The following HDAC9 variants were observed in gnomAD, a reference collection of about 807,000 sequenced individuals.
HDAC9 encodes the protein MEF-2 interacting transcription repressor (MITR) protein.
HDAC9 carries 41 observed loss-of-function variants against 139.4 expected under a neutral mutation model. The ratio of observed to expected loss-of-function variants is 0.29; its 90% CI spans 0.23 to 0.38. The LOEUF (loss-of-function observed/expected upper bound fraction) is 0.38. HDAC9 is among the 10% of genes least tolerant of loss of function. HDAC9 has a pLI of 1.00. For missense variants in HDAC9, 1,147 were observed against 1,297.0 expected, an observed-to-expected ratio of 0.88 and a Z score of 1.78; for synonymous variants, 517 against 476.2, an observed-to-expected ratio of 1.09 and a Z score of -1.12.
At chr7:18,345,809 T>C (rs1782369152) in intron 1 of HDAC9, among the ~76,000 whole-genome samples, 1 of 151,994 alleles carries the variant, frequency 6.6e-6, no homozygotes, top group Admixed American at 6.6e-5. Flanking sequence ...TCAGCATTTT[T>C]TTTCCCCTTT....
intron 22 of HDAC9, among the ~76,000 whole-genome samples, chr7:18,878,632 A>G (rs1221467372): frequency 6.6e-6 from 1 of 152,178 alleles, no homozygotes; most frequent in African/African-American, 2.4e-5. Context: ...AACAACTCTA[A>G]ATAAACTAGG....
At chr7:18,724,747 G>T (rs184130978) in intron 12 of HDAC9, among the ~76,000 whole-genome samples, 50 of 152,152 alleles carry the variant, frequency 3.3e-4, no homozygotes, top group Non-Finnish European at 1.2e-4. Context: ...GTTATGGAAT[G>T]CATGGCTGTC....
intron 22 of HDAC9, among the ~76,000 whole-genome samples, chr7:18,883,702 A>G (rs1289299071): frequency 2.6e-5 from 4 of 152,094 alleles, no homozygotes; most frequent in African/African-American, 7.2e-5. Context: ...ATTAGACAAG[A>G]AAAAGAAATG....
chr7:18,874,743 G>A (rs1799191972), intron 22 of HDAC9, 147 bp downstream of exon 22: 2 of 586,268 alleles, frequency 3.4e-6, no homozygotes, highest in African/African-American at 1.9e-5. Flanking sequence ...TGCTCTGTCG[G>A]ATTCATGTTT....
intron 1 of HDAC9, among the ~76,000 whole-genome samples, chr7:18,135,730 C>G (rs1205841062): frequency 6.8e-6 from 1 of 147,106 alleles, no homozygotes; most frequent in Non-Finnish European, 1.5e-5. Flanking sequence ...GGTTCCAAGT[C>G]TTTGCTATTG....
chr7:18,548,657 T>C (rs1447083907), intron 2 of HDAC9, among the ~76,000 whole-genome samples: 2 of 152,022 alleles, frequency 1.3e-5, no homozygotes, highest in African/African-American at 2.4e-5. Context: ...CTAAAATGTA[T>C]AAATAACTCA....
At chr7:18,186,175 A>T (rs1789898401) in intron 2 of HDAC9, among the ~76,000 whole-genome samples, 1 of 152,230 alleles carries the variant, frequency 6.6e-6, no homozygotes, top group South Asian at 2.1e-4. Context: ...CTGGGCCAGG[A>T]TCTGAATTTA....
chr7:18,351,913 A>G (rs1191822030), intron 1 of HDAC9, among the ~76,000 whole-genome samples: 1 of 152,220 alleles, frequency 6.6e-6, no homozygotes, highest in Non-Finnish European at 1.5e-5. Context: ...ATTGACGGTG[A>G]ATATGTGGAA....
chr7:18,587,145 T>A (rs189348522), intron 3 of HDAC9, among the ~76,000 whole-genome samples: 1 of 152,278 alleles, frequency 6.6e-6, no homozygotes, highest in African/African-American at 2.4e-5. Flanking sequence ...CTGCCTTTGA[T>A]AGCTATAAAG....
At chr7:18,608,913 A>G (rs2254859) in intron 6 of HDAC9, among the ~76,000 whole-genome samples, 97,825 of 152,030 alleles carry the variant, frequency 0.64, 34,288 homozygotes, top group South Asian at 0.79. Context: ...AGGAACTACT[A>G]TTTCATATTT....
chr7:18,322,588 G>A (rs976301930), intron 1 of HDAC9, among the ~76,000 whole-genome samples: 3 of 152,108 alleles, frequency 2.0e-5, no homozygotes, highest in Non-Finnish European at 4.4e-5. Context: ...ATAGACAGAC[G>A]CAGAATGTTT....
chr7:18,434,908 A>G (rs1422786721), intron 1 of HDAC9, among the ~76,000 whole-genome samples: 1 of 152,146 alleles, frequency 6.6e-6, no homozygotes, highest in Admixed American at 6.5e-5. Flanking sequence ...CCAAAGGAAT[A>G]TAAATATTTC....
intron 25 of HDAC9, among the ~76,000 whole-genome samples, chr7:18,989,962 T>G (rs182624308): frequency 0.035 from 5,376 of 151,742 alleles, 276 homozygotes; most frequent in African/African-American, 0.12. Context: ...CTTCTAAATT[T>G]TTTTCAAAGT....
intron 12 of HDAC9, among the ~76,000 whole-genome samples, chr7:18,684,032 T>G (rs1300468847): frequency 6.7e-6 from 1 of 149,574 alleles, no homozygotes; most frequent in African/African-American, 2.5e-5. Context: ...CAAAATGAGC[T>G]GATCACTTGA....
intron 22 of HDAC9, among the ~76,000 whole-genome samples, chr7:18,924,620 A>G (rs1804049910): frequency 1.3e-5 from 2 of 152,160 alleles, no homozygotes; most frequent in South Asian, 2.1e-4. Context: ...TTTTTCTACC[A>G]TTTAACAAAT....
intron 2 of HDAC9, among the ~76,000 whole-genome samples, chr7:18,230,538 A>G (rs770246979): frequency 2.6e-5 from 4 of 152,206 alleles, no homozygotes; most frequent in Non-Finnish European, 5.9e-5. Context: ...GAAATGACCT[A>G]TTACGTTCCT....
intron 17 of HDAC9, among the ~76,000 whole-genome samples, chr7:18,818,467 A>G (rs1794730018): frequency 6.6e-6 from 1 of 152,196 alleles, no homozygotes; most frequent in African/African-American, 2.4e-5. Flanking sequence ...ACTTTCAACA[A>G]AGAAACACAA....
At chr7:18,183,350 AG>A (rs1182975796) in intron 2 of HDAC9, among the ~76,000 whole-genome samples, 1 of 152,166 alleles carries the variant, frequency 6.6e-6, no homozygotes, top group Non-Finnish European at 1.5e-5. Flanking sequence ...TATTTAAGTA[AG>A]CAAATGAACC....
At chr7:18,842,467 A>T (rs945473001) in intron 21 of HDAC9, among the ~76,000 whole-genome samples, 1 of 152,088 alleles carries the variant, frequency 6.6e-6, no homozygotes, top group Non-Finnish European at 1.5e-5. Context: ...TCTATTAATG[A>T]TTTATTTCAA....
Sources: gnomAD v4.1 joint callset for allele counts (sites outside exome capture counted in the v4.1 genomes callset) on GRCh38, gnomAD v4.1.1 for gene constraint, MANE v1.5 for transcripts, NCBI Gene and HGNC (gene_info 2026-07-23, HGNC 2026-07-21) for gene names.